Variants in GRB7 observed in about 807,000 individuals in gnomAD.
GRB7 encodes growth factor receptor bound protein 7.
GRB7 carries 47 observed loss-of-function variants against 64.1 expected under a neutral mutation model. The observed-to-expected ratio is 0.73, with a 90% CI of 0.58 to 0.94. The LOEUF (loss-of-function observed/expected upper bound fraction) is 0.94. Among genes scored for constraint, GRB7 ranks in the 40% least tolerant of loss-of-function variants. The probability of loss-of-function intolerance (pLI) is 0.00; values close to 1 mark genes in which losing one functional copy is unlikely to be tolerated. For synonymous variants in GRB7, 277 were observed against 279.9 expected (o/e 0.99, Z 0.10); for missense variants, 634 against 718.4 (o/e 0.88, Z 1.34).
chr17:39,745,155 T>C (rs537506920), intron 9 of GRB7, 88 bp from the exon 10 acceptor site: 3 of 1,244,234 alleles, frequency 2.4e-6, no homozygotes, highest in African/African-American at 1.5e-5. Context: ...ACAGCCCTGG[T>C]CTGGGCAAGT....
rs77800154 is a variant in GRB7 at position 39,743,503 on chromosome 17, C to T, written c.663+33C>T. The stretch of plus-strand genomic sequence containing the variant: ...GACCCCCCATTTCACTGCAGATTCA[C>T]GACTCCCCAGCATTGGCCAGTGCTT... On this transcript the variant is annotated intron_variant, in intron 6 of 14. Coordinates refer to ENST00000309156, the MANE Select transcript of GRB7 (RefSeq NM_005310.5). 6.7e-4 allele frequency: 1,038 copies of T among 1,550,648 alleles called. 11 individuals carry two copies. The East Asian group carries it at 0.019, about 28-fold the overall frequency.
intron 1 of GRB7, chr17:39,738,595 C>A: frequency 5.4e-6 from 1 of 184,998 alleles, no homozygotes; most frequent in Non-Finnish European, 1.1e-5. Context: ...CCTCCCTGTA[C>A]ACCTCCCTGC....
intron 1 of GRB7, chr17:39,738,746 C>T (rs903266495): frequency 4.9e-6 from 3 of 611,544 alleles, no homozygotes; most frequent in Admixed American, 6.4e-5. Flanking sequence ...TTTGGGTTTC[C>T]CCAAGTCTCT....
chr17:39,745,829 A>C (rs1335376102), intron 12 of GRB7, 41 bp downstream of exon 12: 2 of 1,613,416 alleles, frequency 1.2e-6, no homozygotes, highest in South Asian at 1.1e-5. Context: ...GGCTGCCTCA[A>C]CTTCTCTTTG....
Position 39,746,214 on chromosome 17 carries a change from T to C in GRB7, c.1452+12T>C. On this transcript the variant is annotated intron_variant, in intron 14 of 14. Coordinates refer to ENST00000309156, the MANE Select transcript of GRB7 (RefSeq NM_005310.5). ...ATCTCATCCTGCCGGTGAGCTTCCC[T>C]GCGTCCCCGGAGTCCTGCAATGAGA... 6.2e-7 allele frequency: 1 copy of C among 1,607,710 alleles called. No homozygotes were observed. Among genetic ancestry groups the C allele is most frequent in the Non-Finnish European group, 8.5e-7 (1 of 1,174,260 alleles).
At chr17:39,739,844 A>T (rs2059980473) in intron 1 of GRB7, 1 of 234,958 alleles carries the variant, frequency 4.3e-6, no homozygotes, top group South Asian at 1.6e-4. Context: ...TGAAAACTCC[A>T]GATCTCTAAG....
Position 39,744,123 on chromosome 17 carries a change from G to T in GRB7, c.717G>T (p.Arg239=). 1.2e-6 allele frequency: 2 copies of T among 1,614,182 alleles called. No homozygotes were observed. The highest frequency in any genetic ancestry group is 1.7e-6 in the Non-Finnish European group (2 of 1,180,030). The change falls in exon 7 of 15, where the codon CGG becomes CGT. Residue 239 remains arginine (R), a synonymous_variant. Coordinates refer to ENST00000309156, the MANE Select transcript of GRB7 (RefSeq NM_005310.5). ...AGATCCAGGGCTTTCTGCAGCTGCG[G>T]GGTTCAGGACGGAAGCTTTGGAAAC... The part of the protein sequence containing the change: ...FPEIQGFLQL[R]GSGRKLWKRF...
rs1021328619 is a variant in GRB7 at position 39,746,847 on chromosome 17, G to A, written c.1549G>A (p.Gly517Ser). ...CGTGGAGTTCCACCAGCTGAACCGC[G>A]GCATCCTGCCGTGCTTGCTGCGCCA... ...QLVEFHQLNR[G>S]ILPCLLRHCC... The change falls in exon 15 of 15, where the codon GGC becomes AGC. Residue 517 changes from glycine to serine, a missense_variant. By Grantham distance (56) the Gly-to-Ser change is moderately conservative. Coordinates refer to ENST00000309156, the MANE Select transcript of GRB7 (RefSeq NM_005310.5). 8.1e-6 allele frequency: 13 copies of A among 1,613,308 alleles called. No homozygotes were observed. Among genetic ancestry groups the A allele is most frequent in the South Asian group, 4.4e-5 (4 of 91,088 alleles).
At position 39,744,196 on chromosome 17, in the gene GRB7, G is replaced by A. The variant is rs1398962800; in HGVS notation, c.790G>A (p.Gly264Ser). Residue 264 changes from glycine (G) to serine (S), a missense_variant, in exon 7 of 15, where the codon GGC (glycine) becomes AGC (serine). Gly to Ser is a moderately conservative substitution (Grantham distance 56). Coordinates refer to ENST00000309156, the MANE Select transcript of GRB7 (RefSeq NM_005310.5). ...RRSGLYYSTKGTSKDPRHLQY... is the reference protein window; with the variant it reads ...RRSGLYYSTKSTSKDPRHLQY... ...ATCTGGCCTCTATTACTCCACCAAG[G>A]GCACCTCTAAGGTAAGGTCTTGAGG... 1.2e-6 allele frequency: 2 copies of A among 1,613,852 alleles called. No homozygotes were observed. Among genetic ancestry groups the A allele is most frequent in the Non-Finnish European group, 8.5e-7 (1 of 1,179,994 alleles).
At chr17:39,745,616 A>G in intron 11 of GRB7, 78 bp downstream of exon 11, 1 of 1,551,564 alleles carries the variant, frequency 6.4e-7, no homozygotes, top group Non-Finnish European at 8.9e-7. Flanking sequence ...GGAGGGAGGA[A>G]GAGAGGGCGG....
chr17:39,746,118 G>C lies in GRB7; in HGVS notation c.1368G>C (p.Leu456=). The change falls in exon 14 of 15, where the codon CTG becomes CTC. Residue 456 remains leucine (L), a synonymous_variant. Transcript: ENST00000309156. The part of the protein sequence containing the change: ...GQQGLVDGLF[L]VRESQRNPQG... ...TCCTGTCTTCTGGCAGCCTGTTCCT[G>C]GTCCGGGAGAGTCAGCGGAACCCCC... The C allele has an allele frequency of 6.2e-7, 1 of 1,614,074 alleles. No individual in the cohort carries two copies. Among genetic ancestry groups the C allele is most frequent in the Non-Finnish European group, 8.5e-7 (1 of 1,179,966 alleles).
Position 39,743,014 on chromosome 17 carries a change from G to C in GRB7, c.423G>C (p.Glu141Asp). The change falls in exon 4 of 15, where the codon GAG becomes GAC. Residue 141 changes from glutamate to aspartate, a missense_variant. Coordinates refer to ENST00000309156, the MANE Select transcript of GRB7 (RefSeq NM_005310.5). Reference protein sequence around the residue: ...LVQRAHALSDETWGLVECHPH... With the variant: ...LVQRAHALSDDTWGLVECHPH... ...AGCGAGCTCACGCCTTGAGCGACGAGACCTGGGGGCTGGTGGAGTGCCACC... is the reference window on the plus strand; with the variant it reads ...AGCGAGCTCACGCCTTGAGCGACGACACCTGGGGGCTGGTGGAGTGCCACC... 6.2e-7 allele frequency: 1 copy of C among 1,611,912 alleles called. No homozygotes were observed. The highest frequency in any genetic ancestry group is 1.1e-5 in the South Asian group (1 of 90,758).
intron 1 of GRB7, chr17:39,739,919 A>C (rs994358501): frequency 2.3e-6 from 2 of 880,568 alleles, no homozygotes; most frequent in Non-Finnish European, 2.7e-6. Flanking sequence ...TGACGATTCC[A>C]CCCGCCTCCA....
intron 4 of GRB7, 31 bp downstream of exon 4, chr17:39,743,085 G>A (rs1337391635): frequency 1.3e-6 from 2 of 1,597,108 alleles, no homozygotes; most frequent in Non-Finnish European, 1.7e-6. Context: ...TATCCGGGCT[G>A]GGAGATGATG....
In GRB7 at chr17:39,743,042, C is replaced by A; in HGVS notation, c.451C>A (p.His151Asn). ...CTGGGGGCTGGTGGAGTGCCACCCC[C>A]ACCTAGCACTGGGTAAGTCAGGTGC... is the stretch of plus-strand genomic sequence containing the variant. ...ETWGLVECHP[H>N]LALERGLEDH... The change falls in exon 4 of 15, where the codon CAC becomes AAC. Residue 151 changes from histidine to asparagine, a missense_variant. His to Asn is a moderately conservative substitution (Grantham distance 68). Transcript: ENST00000309156. 6.2e-7 allele frequency: 1 copy of A among 1,605,816 alleles called. No homozygotes were observed. Among genetic ancestry groups the A allele is most frequent in the African/African-American group, 1.3e-5 (1 of 74,940 alleles).
Position 39,743,068 on chromosome 17 carries a change from A to T in GRB7, c.463+14A>T, listed in dbSNP as rs202074606. ...ACCTAGCACTGGGTAAGTCAGGTGCATGGAACTATCCGGGCTGGGAGATGA... is the reference window on the plus strand; with the variant it reads ...ACCTAGCACTGGGTAAGTCAGGTGCTTGGAACTATCCGGGCTGGGAGATGA... On this transcript the variant is annotated intron_variant, in intron 4 of 14. Coordinates refer to ENST00000309156, the MANE Select transcript of GRB7 (RefSeq NM_005310.5). 1 of 1,599,648 alleles carries T rather than the reference A, an allele frequency of 6.3e-7. No individual in the cohort carries two copies. The highest frequency in any genetic ancestry group is 8.5e-7 in the Non-Finnish European group (1 of 1,170,986).
rs761337485 is a variant in GRB7, at chr17:39,743,316, G to A, written c.585+15G>A. 6.2e-7 allele frequency: 1 copy of A among 1,614,200 alleles called. No individual in the cohort carries two copies. Among genetic ancestry groups the A allele is most frequent in the South Asian group, 1.1e-5 (1 of 91,090 alleles). On this transcript the variant is annotated intron_variant, in intron 5 of 14. Transcript: ENST00000309156. Reference sequence around the variant, plus strand: ...AGAGCTCCCCAGTGAGTGCATGAGGGCTGTCTGGGCGCTGGGATGCCCTGA... The same window carrying A: ...AGAGCTCCCCAGTGAGTGCATGAGGACTGTCTGGGCGCTGGGATGCCCTGA...
rs758827305 is a variant in GRB7 at position 39,746,122 on chromosome 17, C to T, written c.1372C>T (p.Arg458Trp). The T allele has an allele frequency of 3.2e-5, 51 of 1,613,916 alleles. No individual in the cohort carries two copies. Among genetic ancestry groups the T allele is most frequent in the African/African-American group, 4.0e-5 (3 of 74,858 alleles). Reference sequence around the variant, plus strand: ...GTCTTCTGGCAGCCTGTTCCTGGTCCGGGAGAGTCAGCGGAACCCCCAGGG... The same window carrying T: ...GTCTTCTGGCAGCCTGTTCCTGGTCTGGGAGAGTCAGCGGAACCCCCAGGG... Reference protein sequence around the residue: ...QGLVDGLFLVRESQRNPQGFV... With the variant: ...QGLVDGLFLVWESQRNPQGFV... Residue 458 changes from arginine to tryptophan, a missense_variant, in exon 14 of 15, where the codon CGG (arginine) becomes TGG (tryptophan). Around this residue, in one of 2 missense-constraint regions of GRB7, gnomAD observed 467 missense variants for 576.6 expected, o/e 0.81. Coordinates refer to ENST00000309156, the MANE Select transcript of GRB7 (RefSeq NM_005310.5).
Position 39,743,310 on chromosome 17 carries a change from A to T in GRB7, c.585+9A>T, listed in dbSNP as rs1448150014. 1 of 1,614,194 alleles carries T rather than the reference A, an allele frequency of 6.2e-7. No homozygotes were observed. Among genetic ancestry groups the T allele is most frequent in the Admixed American group, 1.7e-5 (1 of 60,026 alleles). The stretch of plus-strand genomic sequence containing the variant: ...TGTTCAAGAGCTCCCCAGTGAGTGC[A>T]TGAGGGCTGTCTGGGCGCTGGGATG... On this transcript the variant is annotated intron_variant, in intron 5 of 14. Coordinates refer to ENST00000309156, the MANE Select transcript of GRB7 (RefSeq NM_005310.5).
Sources: allele counts gnomAD v4.1 joint callset, GRCh38; gene constraint gnomAD v4.1.1; regional missense constraint gnomAD v4.1.1; transcripts MANE v1.5; gene names NCBI Gene and HGNC (gene_info 2026-07-23, HGNC 2026-07-21).